The following SCLT1 variants were observed in gnomAD, a reference collection of about 807,000 sequenced individuals.
SCLT1 encodes sodium channel and clathrin linker 1, also known as sodium channel-associated protein 1.
SCLT1 carries 78 observed loss-of-function variants against 112.8 expected under a neutral mutation model. That is an observed-to-expected ratio of 0.69 (90% CI 0.58 to 0.83). SCLT1 has a LOEUF of 0.83. Among genes scored for constraint, SCLT1 ranks in the 40% least tolerant of loss-of-function variants. The pLI is 0.00. For synonymous variants in SCLT1, 257 were observed against 254.7 expected, an observed-to-expected ratio of 1.01 and a Z score of -0.09; for missense variants, 747 against 770.4, an observed-to-expected ratio of 0.97 and a Z score of 0.36.
At chr4:128,969,540 C>T (rs1740502075) in intron 10 of SCLT1, among the ~76,000 whole-genome samples, 2 of 152,150 alleles carry the variant, frequency 1.3e-5, no homozygotes, top group African/African-American at 4.8e-5. Context: ...CCACTGCACT[C>T]CAGCCTGGGT....
At chr4:128,949,858 TC>T (rs1553967724) in intron 14 of SCLT1, among the ~76,000 whole-genome samples, 1 of 151,276 alleles carries the variant, frequency 6.6e-6, no homozygotes. Context: ...TTTTTTTTTT[TC>T]CCCTAATTGT....
At chr4:128,892,940 AC>A (rs756004774) in intron 18 of SCLT1, among the ~76,000 whole-genome samples, 7 of 152,238 alleles carry the variant, frequency 4.6e-5, no homozygotes, top group Non-Finnish European at 8.8e-5. Flanking sequence ...GCTTAAAATT[AC>A]TGCCCAACCA....
chr4:129,090,247 C>T (rs1752718972), intron 1 of SCLT1, among the ~76,000 whole-genome samples: 1 of 152,026 alleles, frequency 6.6e-6, no homozygotes, highest in Non-Finnish European at 1.5e-5. Flanking sequence ...TATAAAGCTG[C>T]AATAATTAAG....
intron 13 of SCLT1, among the ~76,000 whole-genome samples, chr4:128,954,900 TGTCTGTCGCTCTCTC>T (rs1739093360): frequency 6.6e-6 from 1 of 152,218 alleles, no homozygotes; most frequent in Non-Finnish European, 1.5e-5. Flanking sequence ...AAGCCTGTCA[TGTCTGTCGCTCTCTC>T]ACATAATTTC....
At chr4:128,888,149 T>A (rs1407253466) in intron 20 of SCLT1, among the ~76,000 whole-genome samples, 1 of 151,994 alleles carries the variant, frequency 6.6e-6, no homozygotes, top group Non-Finnish European at 1.5e-5. Flanking sequence ...TTAAATTAAT[T>A]TAAATATAAA....
intron 9 of SCLT1, among the ~76,000 whole-genome samples, chr4:128,977,054 C>G (rs1161803505): frequency 6.6e-6 from 1 of 152,158 alleles, no homozygotes; most frequent in Non-Finnish European, 1.5e-5. Flanking sequence ...AATGATAGTT[C>G]TGTCTCTCTC....
intron 5 of SCLT1, among the ~76,000 whole-genome samples, chr4:129,029,617 T>C (rs1388769565): frequency 1.3e-5 from 2 of 151,928 alleles, no homozygotes; most frequent in Non-Finnish European, 2.9e-5. Flanking sequence ...GCATGGCACA[T>C]GTATACATAC....
intron 18 of SCLT1, among the ~76,000 whole-genome samples, chr4:128,925,036 G>C (rs1736184364): frequency 6.6e-6 from 1 of 152,102 alleles, no homozygotes; most frequent in African/African-American, 2.4e-5. Flanking sequence ...GCAAGGAACT[G>C]ATGTCTCCTG....
chr4:128,960,881 C>T (rs1739647185), intron 11 of SCLT1, among the ~76,000 whole-genome samples: 1 of 129,402 alleles, frequency 7.7e-6, no homozygotes, highest in Non-Finnish European at 1.5e-5. Context: ...GATTGCGCCA[C>T]TGCAGTCCGC....
At chr4:128,980,643 G>T (rs1741565219) in intron 9 of SCLT1, among the ~76,000 whole-genome samples, 1 of 152,084 alleles carries the variant, frequency 6.6e-6, no homozygotes, top group African/African-American at 2.4e-5. Flanking sequence ...TAAGGCTCTA[G>T]CACCCAGTCA....
chr4:128,921,488 A>G (rs571824501), intron 18 of SCLT1, among the ~76,000 whole-genome samples: 1 of 152,324 alleles, frequency 6.6e-6, no homozygotes, highest in South Asian at 2.1e-4. Context: ...TAGACAGCCC[A>G]GAAATAAAGT....
intron 5 of SCLT1, among the ~76,000 whole-genome samples, chr4:129,025,312 A>C (rs1745942214): frequency 6.6e-6 from 1 of 152,248 alleles, no homozygotes; most frequent in African/African-American, 2.4e-5. Context: ...AGGTCGGGTT[A>C]CCCACAAAGG....
chr4:129,026,572 G>C (rs1294014676), intron 5 of SCLT1, among the ~76,000 whole-genome samples: 1 of 152,000 alleles, frequency 6.6e-6, no homozygotes, highest in Non-Finnish European at 1.5e-5. Context: ...GAAATTTACA[G>C]CACTAAATGC....
intron 18 of SCLT1, among the ~76,000 whole-genome samples, chr4:128,911,689 G>A (rs1448021061): frequency 1.3e-5 from 2 of 152,164 alleles, no homozygotes; most frequent in African/African-American, 2.4e-5. Flanking sequence ...ATATTTAATT[G>A]TCAGTTGCGA....
At chr4:128,978,655 T>A (rs182655811) in intron 9 of SCLT1, among the ~76,000 whole-genome samples, 1 of 152,156 alleles carries the variant, frequency 6.6e-6, no homozygotes, top group Non-Finnish European at 1.5e-5. Context: ...GAATCCAAAC[T>A]GAAGAAAATT....
chr4:128,891,478 T>TA (rs1449532999), intron 18 of SCLT1, among the ~76,000 whole-genome samples: 1 of 151,856 alleles, frequency 6.6e-6, no homozygotes. Flanking sequence ...TTTGCCAAAC[T>TA]AAAAAAAGCA....
At chr4:128,873,343 TAGAA>T (rs1462893311) in intron 5 of SCLT1, 2 of 133,146 alleles carry the variant, frequency 1.5e-5, no homozygotes, top group Non-Finnish European at 3.3e-5. Flanking sequence ...TTAAAAACAA[TAGAA>T]AGGCAATAAG....
At chr4:129,025,501 A>T (rs1032553718) in intron 5 of SCLT1, among the ~76,000 whole-genome samples, 15 of 152,200 alleles carry the variant, frequency 9.9e-5, no homozygotes, top group African/African-American at 2.9e-4. Flanking sequence ...GCAAATGCTG[A>T]GAGATTTTGT....
At chr4:129,073,670 A>G (rs1318956165) in intron 2 of SCLT1, among the ~76,000 whole-genome samples, 3 of 150,524 alleles carry the variant, frequency 2.0e-5, no homozygotes, top group Non-Finnish European at 4.4e-5. Context: ...ATGCACAACA[A>G]ATTAGTTATA....
Sources: gnomAD v4.1 joint callset for allele counts (sites outside exome capture counted in the v4.1 genomes callset) on GRCh38, gnomAD v4.1.1 for gene constraint, MANE v1.5 for transcripts, NCBI Gene and HGNC (gene_info 2026-07-23, HGNC 2026-07-21) for gene names.